The following HMGCLL1 variants were observed in gnomAD, a reference collection of about 807,000 sequenced individuals.
HMGCLL1 encodes the protein 3-hydroxy-3-methylglutaryl-CoA lyase like 1.
A neutral mutation model predicts 39.1 loss-of-function variants in HMGCLL1; 36 were observed. That is an observed-to-expected ratio of 0.92 (90% CI 0.71 to 1.22). The LOEUF is 1.22. Among genes scored for constraint, HMGCLL1 ranks in the 50% most tolerant of loss-of-function variants. The pLI, the probability that HMGCLL1 is intolerant of heterozygous loss-of-function variation, is 0.00. For synonymous variants in HMGCLL1, 149 were observed against 144.0 expected (o/e 1.03, Z -0.25); for missense variants, 451 against 416.5 (o/e 1.08, Z -0.72).
At chr6:55,553,807 G>T (rs1008623428) in intron 1 of HMGCLL1, among the ~76,000 whole-genome samples, 13 of 151,978 alleles carry the variant, frequency 8.6e-5, no homozygotes, top group African/African-American at 3.1e-4. Context: ...TTTAAAATTT[G>T]CAATGAAAGG....
chr6:55,465,597 T>C (rs555806410), intron 7 of HMGCLL1, among the ~76,000 whole-genome samples: 21 of 152,222 alleles, frequency 1.4e-4, no homozygotes, highest in African/African-American at 4.8e-4. Context: ...AAGTTTCTGG[T>C]AGATACCCTT....
the HMGCLL1 span, among the ~76,000 whole-genome samples, chr6:55,599,638 G>T: frequency 6.6e-6 from 1 of 152,086 alleles, no homozygotes; most frequent in Non-Finnish European, 1.5e-5. Flanking sequence ...CTATCACAGA[G>T]ATTATAAAAA....
At chr6:55,611,540 G>A in the HMGCLL1 span, among the ~76,000 whole-genome samples, 2 of 152,054 alleles carry the variant, frequency 1.3e-5, no homozygotes, top group East Asian at 3.9e-4. Flanking sequence ...AATATCCCTG[G>A]TGAACACTGA....
At chr6:55,509,866 G>A (rs184378136) in intron 5 of HMGCLL1, among the ~76,000 whole-genome samples, 2 of 151,782 alleles carry the variant, frequency 1.3e-5, no homozygotes, top group Non-Finnish European at 2.9e-5. Flanking sequence ...AATAGTAGAC[G>A]AAGAGATGGA....
intron 1 of HMGCLL1, among the ~76,000 whole-genome samples, chr6:55,544,358 C>T (rs990081777): frequency 2.6e-5 from 4 of 152,136 alleles, no homozygotes; most frequent in Admixed American, 6.6e-5. Flanking sequence ...CAGAAGCATA[C>T]TCCATCTTTC....
At chr6:55,629,161 C>T in the HMGCLL1 span, among the ~76,000 whole-genome samples, 1 of 152,142 alleles carries the variant, frequency 6.6e-6, no homozygotes, top group Non-Finnish European at 1.5e-5. Context: ...TGTTGAATGG[C>T]TTTGGCCAAA....
chr6:55,675,886 C>T, the HMGCLL1 span, among the ~76,000 whole-genome samples: 45,652 of 151,844 alleles, frequency 0.3, 7,027 homozygotes, highest in East Asian at 0.37. Flanking sequence ...TATTATAACA[C>T]AAAATAAAAT....
the HMGCLL1 span, among the ~76,000 whole-genome samples, chr6:55,590,634 T>A: frequency 6.6e-6 from 1 of 151,916 alleles, no homozygotes; most frequent in African/African-American, 2.4e-5. Flanking sequence ...TAATAAAAAA[T>A]CTTCATAAAA....
chr6:55,656,340 C>A, the HMGCLL1 span, among the ~76,000 whole-genome samples: 7 of 152,076 alleles, frequency 4.6e-5, no homozygotes, highest in South Asian at 1.5e-3. Context: ...TTATAGGAAA[C>A]AATTGTGAGA....
rs774964780 is a variant in HMGCLL1 at position 55,541,741 on chromosome 6, T to C, written c.285A>G (p.Arg95=). ...VIEVTSFVSS[R]WVPQMADHTE... is the part of the protein sequence containing the mutation. ...TGGGTTTACATACCTGTGGTACCCA[T>C]CTGGAAGACACAAAGCTAGTCACTT... The change falls in exon 3 of 9, where the codon AGA becomes AGG. Residue 95 remains arginine (R), a synonymous_variant. Transcript: ENST00000274901. The C allele has an allele frequency of 1.9e-6, 3 of 1,580,570 alleles. No homozygotes were observed. The highest frequency in any genetic ancestry group is 1.8e-5 in the Admixed American group (1 of 56,092).
At chr6:55,454,894 C>T (rs767722852) in intron 7 of HMGCLL1, among the ~76,000 whole-genome samples, 5 of 152,132 alleles carry the variant, frequency 3.3e-5, no homozygotes, top group Admixed American at 1.3e-4. Flanking sequence ...ATTCATTAAA[C>T]TGGACACTGC....
chr6:55,523,247 G>T (rs1297424889), intron 3 of HMGCLL1, among the ~76,000 whole-genome samples: 4 of 151,886 alleles, frequency 2.6e-5, no homozygotes, highest in African/African-American at 9.7e-5. Context: ...TAGTGTACTA[G>T]GTAAGAAGCT....
the HMGCLL1 span, among the ~76,000 whole-genome samples, chr6:55,595,707 CTTGGAA>C: frequency 6.6e-6 from 1 of 152,034 alleles, no homozygotes; most frequent in African/African-American, 2.4e-5. Context: ...AAAAAATGTA[CTTGGAA>C]TTGGTTGGGA....
chr6:55,524,101 C>T (rs955376422), intron 3 of HMGCLL1, among the ~76,000 whole-genome samples: 9 of 151,782 alleles, frequency 5.9e-5, no homozygotes, highest in Admixed American at 4.6e-4. Context: ...CATCTTAACA[C>T]ATTACTAATA....
the HMGCLL1 span, among the ~76,000 whole-genome samples, chr6:55,674,334 G>GTTAT: frequency 6.6e-6 from 1 of 151,078 alleles, no homozygotes; most frequent in Non-Finnish European, 1.5e-5. Flanking sequence ...GGGATTCAAG[G>GTTAT]TTATATGTGA....
chr6:55,664,066 T>C, the HMGCLL1 span, among the ~76,000 whole-genome samples: 8,345 of 151,914 alleles, frequency 0.055, 390 homozygotes, highest in Non-Finnish European at 0.077. Context: ...ATGTGTGTCA[T>C]TGCATGTGAG....
At chr6:55,607,806 G>A in the HMGCLL1 span, among the ~76,000 whole-genome samples, 1 of 151,976 alleles carries the variant, frequency 6.6e-6, no homozygotes, top group African/African-American at 2.4e-5. Flanking sequence ...ACTTCTCCTA[G>A]AATCCAGACT....
rs1321970453 is a variant in HMGCLL1 at position 55,444,265 on chromosome 6, C to A, written c.796-4706G>T. On this transcript the variant is annotated intron_variant, in intron 7 of 8. Coordinates refer to ENST00000274901, the MANE Select transcript of HMGCLL1 (RefSeq NM_001042406.2). ...TCTTCACTCGTCAATATTCTTTGTCCCAACAGTTCCTTATCAAAGAGTCCT... is the reference window on the plus strand; with the variant it reads ...TCTTCACTCGTCAATATTCTTTGTCACAACAGTTCCTTATCAAAGAGTCCT... Among the ~76,000 whole-genome samples the A allele has an allele frequency of 4.6e-5, 7 of 151,856 alleles. No homozygotes were observed. In the East Asian group the frequency reaches 9.6e-4, roughly 21 times the overall value.
chr6:55,461,688 A>T (rs1239986251), intron 7 of HMGCLL1, among the ~76,000 whole-genome samples: 1 of 152,166 alleles, frequency 6.6e-6, no homozygotes, highest in Non-Finnish European at 1.5e-5. Flanking sequence ...TTAAAGCACC[A>T]TGAAATTAGA....
Sources: allele counts gnomAD v4.1 joint callset (sites outside exome capture counted in the v4.1 genomes callset), GRCh38; gene constraint gnomAD v4.1.1; transcripts MANE v1.5; gene names NCBI Gene and HGNC (gene_info 2026-07-23, HGNC 2026-07-21).